Variants in DNAJC3 observed in about 807,000 individuals in gnomAD.
DNAJC3 encodes dnaJ homolog subfamily C member 3.
In DNAJC3, 38 loss-of-function variants were observed where a neutral mutation model predicts 68.6. The ratio of observed to expected loss-of-function variants is 0.55; its 90% CI spans 0.43 to 0.73. The LOEUF is 0.73. DNAJC3 is among the 30% of genes least tolerant of loss of function. The pLI is 0.00. For missense variants in DNAJC3, 526 were observed against 591.9 expected (o/e 0.89, Z 1.16); for synonymous variants, 203 against 204.0 (o/e 1.00, Z 0.04).
intron 9 of DNAJC3, among the ~76,000 whole-genome samples, chr13:95,776,602 G>A (rs549696918): frequency 6.6e-6 from 1 of 152,118 alleles, no homozygotes; most frequent in African/African-American, 2.4e-5. Context: ...GATTTGGCCT[G>A]TATTTTGTAT....
At chr13:95,789,195 G>T (rs1326836548) in intron 11 of DNAJC3, among the ~76,000 whole-genome samples, 1 of 152,016 alleles carries the variant, frequency 6.6e-6, no homozygotes, top group South Asian at 2.1e-4. Flanking sequence ...ACATGTGCAG[G>T]TTTGTTACAT....
At position 95,786,001 on chromosome 13, in the gene DNAJC3, C is replaced by G. The variant is rs1413805752; in HGVS notation, c.1138C>G (p.Leu380Val). 1 of 1,611,794 alleles carries G rather than the reference C, an allele frequency of 6.2e-7. No individual in the cohort carries two copies. The highest frequency in any genetic ancestry group is 8.5e-7 in the Non-Finnish European group (1 of 1,179,110). The change falls in exon 10 of 12, where the codon CTA becomes GTA. Residue 380 changes from leucine (L) to valine (V), a missense_variant. Physicochemically the swap from Leu to Val is conservative, Grantham distance 32 (BLOSUM62 1). Coordinates refer to ENST00000602402, the MANE Select transcript of DNAJC3 (RefSeq NM_006260.5). Reference protein sequence around the residue: ...NENDQQIREGLEKAQRLLKQS... With the variant: ...NENDQQIREGVEKAQRLLKQS... ...AAATGATCAGCAGATTCGAGAAGGT[C>G]TAGAGAAAGCACAAAGATTATTGAA... is the stretch of plus-strand genomic sequence containing the variant.
chr13:95,751,298 G>C (rs144181421), intron 4 of DNAJC3, among the ~76,000 whole-genome samples: 33 of 152,290 alleles, frequency 2.2e-4, no homozygotes, highest in African/African-American at 7.9e-4. Flanking sequence ...CAGGAAATAA[G>C]TCCTAAACAT....
At chr13:95,719,118 C>G (rs1048995824) in intron 2 of DNAJC3, among the ~76,000 whole-genome samples, 3 of 152,166 alleles carry the variant, frequency 2.0e-5, no homozygotes, top group Non-Finnish European at 4.4e-5. Context: ...GAAACACTTA[C>G]GTTTACTGGT....
chr13:95,723,638 G>A (rs17878553), intron 3 of DNAJC3, among the ~76,000 whole-genome samples: 1,943 of 152,236 alleles, frequency 0.013, 45 homozygotes, highest in African/African-American at 0.045. Flanking sequence ...TGTGGAGGCT[G>A]GAGTGTGAGG....
chr13:95,731,087 T>A (rs1209556680), intron 4 of DNAJC3, among the ~76,000 whole-genome samples: 3 of 152,196 alleles, frequency 2.0e-5, no homozygotes, highest in Admixed American at 6.5e-5. Context: ...GATTGCCTTC[T>A]TAGTTTAAGT....
intron 10 of DNAJC3, among the ~76,000 whole-genome samples, chr13:95,786,736 A>G (rs897713528): frequency 7.2e-5 from 11 of 152,208 alleles, no homozygotes; most frequent in African/African-American, 2.7e-4. Context: ...AAATTCATTG[A>G]TGTACCTTTT....
At chr13:95,766,905 T>A (rs1482626863) in intron 9 of DNAJC3, among the ~76,000 whole-genome samples, 4 of 152,114 alleles carry the variant, frequency 2.6e-5, no homozygotes, top group Admixed American at 2.6e-4. Context: ...TTTCACCATG[T>A]TGGCCAGGCT....
rs189641307 is a variant in DNAJC3, at chr13:95,709,355, A to G, written c.193+18A>G. 24 of 1,562,938 alleles carry G rather than the reference A, an allele frequency of 1.5e-5. No individual in the cohort carries two copies. The Admixed American group carries it at 3.2e-4, about 21-fold the overall frequency. ...TGCCGTAGGTTTGTATCATGGAACC[A>G]AATCACTCAGTGTCTGTCTTAGTGA... On this transcript the variant is annotated intron_variant, in intron 2 of 11. Transcript: ENST00000602402.
Position 95,742,044 on chromosome 13 carries a change from C to T in DNAJC3, c.394-15600C>T, listed in dbSNP as rs138526709. ...CAGCAGTGGCTGTGCTGCAGTCCTG[C>T]TACTGGGTAAGGCGGGGATTTTTTC... On this transcript the variant is annotated intron_variant, in intron 4 of 11. Coordinates refer to ENST00000602402, the MANE Select transcript of DNAJC3 (RefSeq NM_006260.5). 5.3e-5 allele frequency among the ~76,000 whole-genome samples: 8 copies of T among 152,274 alleles called. No individual in the cohort carries two copies. In the East Asian group the frequency reaches 1.4e-3, roughly 26 times the overall value.
At chr13:95,747,354 G>A (rs1006555826) in intron 4 of DNAJC3, among the ~76,000 whole-genome samples, 3 of 152,168 alleles carry the variant, frequency 2.0e-5, no homozygotes, top group Admixed American at 1.3e-4. Flanking sequence ...TTCAAGAAGG[G>A]CATTCCTAAA....
At chr13:95,753,505 T>A (rs910962999) in intron 4 of DNAJC3, among the ~76,000 whole-genome samples, 1 of 152,200 alleles carries the variant, frequency 6.6e-6, no homozygotes, top group African/African-American at 2.4e-5. Context: ...AAAATTTAAA[T>A]TTTTGCTACT....
At chr13:95,740,900 G>A (rs1490651648) in intron 4 of DNAJC3, among the ~76,000 whole-genome samples, 1 of 152,140 alleles carries the variant, frequency 6.6e-6, no homozygotes, top group Non-Finnish European at 1.5e-5. Context: ...GTATTTGTCT[G>A]ATTCTTTTTA....
intron 9 of DNAJC3, among the ~76,000 whole-genome samples, chr13:95,767,956 C>T (rs1007568041): frequency 4.3e-4 from 66 of 152,154 alleles, no homozygotes; most frequent in African/African-American, 1.4e-3. Context: ...CCACCCGCCT[C>T]AGCCTCCCAA....
At chr13:95,683,932 C>A (rs79787938) in intron 1 of DNAJC3, among the ~76,000 whole-genome samples, 609 of 117,250 alleles carry the variant, frequency 5.2e-3, no homozygotes, top group Non-Finnish European at 5.4e-3. Context: ...AACTCCATCT[C>A]AAAAAAAAAA....
At chr13:95,740,442 G>A (rs1442580204) in intron 4 of DNAJC3, among the ~76,000 whole-genome samples, 78 of 150,588 alleles carry the variant, frequency 5.2e-4, no homozygotes, top group Admixed American at 1.3e-3. Flanking sequence ...ATCTCAGACT[G>A]CTGTGCTAGC....
At chr13:95,740,955 G>T (rs9525047) in intron 4 of DNAJC3, among the ~76,000 whole-genome samples, 1 of 152,040 alleles carries the variant, frequency 6.6e-6, no homozygotes, top group South Asian at 2.1e-4. Context: ...TCATACCCTG[G>T]ATTGTTTTTC....
At chr13:95,772,249 G>A (rs1469896063) in intron 9 of DNAJC3, among the ~76,000 whole-genome samples, 4 of 152,124 alleles carry the variant, frequency 2.6e-5, no homozygotes, top group Middle Eastern at 3.2e-3. Flanking sequence ...CCTTGATGAA[G>A]GATATTTCAT....
chr13:95,739,400 A>G (rs1360430999), intron 4 of DNAJC3, among the ~76,000 whole-genome samples: 3 of 150,886 alleles, frequency 2.0e-5, no homozygotes, highest in Admixed American at 1.3e-4. Flanking sequence ...GTTCTCCTGG[A>G]TAATATCCTG....
Sources: allele counts gnomAD v4.1 joint callset (sites outside exome capture counted in the v4.1 genomes callset), GRCh38; gene constraint gnomAD v4.1.1; transcripts MANE v1.5; gene names NCBI Gene and HGNC (gene_info 2026-07-23, HGNC 2026-07-21).